The following ZNF704 variants were observed in gnomAD, a reference collection of about 807,000 sequenced individuals.
ZNF704 encodes glucocorticoid induced gene 1.
Under a neutral mutation model 44.7 loss-of-function variants are expected in ZNF704, and 10 were observed. The observed-to-expected ratio is 0.22, with a 90% CI of 0.14 to 0.38. The LOEUF (loss-of-function observed/expected upper bound fraction) is 0.38, where lower values mean the gene tolerates loss of function less well. Ranked by LOEUF, ZNF704 falls within the 10% of genes least tolerant of loss-of-function variation. The probability of loss-of-function intolerance (pLI) is 1.00; values close to 1 mark genes in which losing one functional copy is unlikely to be tolerated. For synonymous variants in ZNF704, 211 were observed against 207.6 expected, an observed-to-expected ratio of 1.02 and a Z score of -0.14; for missense variants, 390 against 545.5, an observed-to-expected ratio of 0.71 and a Z score of 2.84.
intron 2 of ZNF704, among the ~76,000 whole-genome samples, chr8:80,715,706 T>C (rs1041573602): frequency 1.3e-5 from 2 of 152,260 alleles, no homozygotes; most frequent in Admixed American, 1.3e-4. Flanking sequence ...CTAATTAAAT[T>C]AGAATCTCTG....
At chr8:80,857,567 TAGG>T (rs529779967) in intron 1 of ZNF704, among the ~76,000 whole-genome samples, 135 of 152,280 alleles carry the variant, frequency 8.9e-4, no homozygotes, top group South Asian at 1.4e-3. Flanking sequence ...TTTACATTCC[TAGG>T]AGAAGAAATG....
intron 2 of ZNF704, among the ~76,000 whole-genome samples, chr8:80,784,046 C>CT (rs1477648316): frequency 1.3e-5 from 2 of 152,012 alleles, no homozygotes; most frequent in Non-Finnish European, 2.9e-5. Flanking sequence ...CATATCTTTT[C>CT]TTTTTTGCTG....
chr8:80,878,924 T>C (rs960861645), upstream of ZNF704, among the ~76,000 whole-genome samples: 1 of 152,234 alleles, frequency 6.6e-6, no homozygotes, highest in Non-Finnish European at 1.5e-5. Context: ...GTCTTTGTTG[T>C]TTCCTGATCA....
intron 2 of ZNF704, among the ~76,000 whole-genome samples, chr8:80,705,283 C>G (rs777695338): frequency 5.3e-5 from 8 of 152,036 alleles, no homozygotes; most frequent in Admixed American, 3.9e-4. Flanking sequence ...TTTTGTGTGT[C>G]TCTGTGTATG....
rs1809335011 is a variant in ZNF704 at position 80,874,769 on chromosome 8, C to T, written c.-220G>A. On this transcript the variant is annotated 5_prime_UTR_variant, in exon 1 of 9. Transcript: ENST00000327835. This position sits in a 1 kb window ranked among gnomAD's most constrained non-coding sequence, Gnocchi z 4.4. The stretch of plus-strand genomic sequence containing the variant: ...GACACTGATGTGCATGGCAGCTACT[C>T]CTGAGCTTGTGTGAAATCAAGGAAG... 1 of 152,288 alleles carries T rather than the reference C, an allele frequency of 6.6e-6. No individual in the cohort carries two copies. Among genetic ancestry groups the T allele is most frequent in the African/African-American group, 2.4e-5 (1 of 41,562 alleles). The allele number at this position is 152,288 out of a possible 1,614,324, so 9.4% of individuals were successfully genotyped here. A position where few individuals can be genotyped will look rare whatever the true frequency, so the allele number is the denominator to read the frequency against.
At chr8:80,819,095 A>G (rs1011778619) in intron 2 of ZNF704, among the ~76,000 whole-genome samples, 9 of 152,140 alleles carry the variant, frequency 5.9e-5, no homozygotes, top group African/African-American at 2.2e-4. Flanking sequence ...CAAACAATGA[A>G]GCCTTAAGTA....
chr8:80,786,530 A>G (rs1480328415), intron 2 of ZNF704, among the ~76,000 whole-genome samples: 1 of 152,238 alleles, frequency 6.6e-6, no homozygotes. Flanking sequence ...AGTGACTGCC[A>G]TGTAGAAGAG....
intron 2 of ZNF704, among the ~76,000 whole-genome samples, chr8:80,779,584 T>C (rs1807475993): frequency 6.6e-6 from 1 of 152,132 alleles, no homozygotes; most frequent in African/African-American, 2.4e-5. Context: ...AAGAATGACA[T>C]CTTTACATTA....
intron 1 of ZNF704, among the ~76,000 whole-genome samples, chr8:80,846,089 T>A (rs1346296937): frequency 6.6e-6 from 1 of 152,212 alleles, no homozygotes; most frequent in African/African-American, 2.4e-5. Flanking sequence ...TGGATTTTTA[T>A]GAGGGAATGC....
intron 4 of ZNF704, among the ~76,000 whole-genome samples, chr8:80,671,387 C>G (rs185070228): frequency 3.2e-4 from 49 of 152,276 alleles, no homozygotes; most frequent in African/African-American, 1.1e-3. Context: ...ATTGAGAGCA[C>G]TGATTTTGGG....
chr8:80,841,866 G>A (rs566302657), intron 1 of ZNF704, among the ~76,000 whole-genome samples: 3 of 152,038 alleles, frequency 2.0e-5, no homozygotes, highest in Non-Finnish European at 4.4e-5. Flanking sequence ...CATAGCTCAC[G>A]GCAGCCTCAA....
intron 2 of ZNF704, among the ~76,000 whole-genome samples, chr8:80,758,336 T>C (rs1378941748): frequency 2.0e-5 from 3 of 152,184 alleles, no homozygotes; most frequent in Non-Finnish European, 4.4e-5. Context: ...AAGAGACTGA[T>C]GAAGTGTGGG....
At chr8:80,704,322 A>G (rs957260539) in intron 2 of ZNF704, among the ~76,000 whole-genome samples, 2 of 152,242 alleles carry the variant, frequency 1.3e-5, no homozygotes, top group African/African-American at 4.8e-5. Context: ...CAGGAGTCAC[A>G]AGGCCAGTCT....
At chr8:80,746,721 A>G (rs956589746) in intron 2 of ZNF704, among the ~76,000 whole-genome samples, 1 of 152,206 alleles carries the variant, frequency 6.6e-6, no homozygotes, top group Non-Finnish European at 1.5e-5. Context: ...GAGAGGGATC[A>G]GGACCCATTG....
At chr8:80,753,094 T>C (rs1806975758) in intron 2 of ZNF704, among the ~76,000 whole-genome samples, 1 of 152,228 alleles carries the variant, frequency 6.6e-6, no homozygotes, top group African/African-American at 2.4e-5. Flanking sequence ...TACACAATGC[T>C]TTCTTTCCAG....
chr8:80,756,725 C>T (rs999947802), intron 2 of ZNF704, among the ~76,000 whole-genome samples: 10 of 152,202 alleles, frequency 6.6e-5, no homozygotes, highest in Non-Finnish European at 8.8e-5. Flanking sequence ...AGTCTGGCAT[C>T]ATCATATGTA....
intron 2 of ZNF704, among the ~76,000 whole-genome samples, chr8:80,810,573 T>C (rs1808065421): frequency 1.3e-5 from 2 of 152,184 alleles, no homozygotes; most frequent in Admixed American, 6.5e-5. Context: ...ACTGCTCTAA[T>C]AGTAGCTACC....
intron 2 of ZNF704, among the ~76,000 whole-genome samples, chr8:80,703,967 C>T (rs934791619): frequency 6.6e-6 from 1 of 152,080 alleles, no homozygotes. Flanking sequence ...GACAATTCCT[C>T]AAAAATTCAA....
chr8:80,755,261 T>C (rs1034010342), intron 2 of ZNF704, among the ~76,000 whole-genome samples: 1 of 151,998 alleles, frequency 6.6e-6, no homozygotes, highest in African/African-American at 2.4e-5. Context: ...GGTCAGGAGT[T>C]CAAGACCAGC....
Sources: gnomAD v4.1 joint callset for allele counts (sites outside exome capture counted in the v4.1 genomes callset) on GRCh38, gnomAD v4.1.1 for gene constraint, Gnocchi (gnomAD v3.1) non-coding constraint, MANE v1.5 for transcripts, NCBI Gene and HGNC (gene_info 2026-07-23, HGNC 2026-07-21) for gene names.